C19orf47: variants seen among roughly 807,000 people sequenced by gnomAD.
The protein encoded by C19orf47 is chromosome 19 open reading frame 47, also known as uncharacterized protein C19orf47.
In C19orf47, 18 loss-of-function variants were observed where a neutral mutation model predicts 32.3. The observed-to-expected ratio is 0.56, with a 90% CI of 0.39 to 0.83. The LOEUF (loss-of-function observed/expected upper bound fraction) is 0.83, where lower values mean the gene tolerates loss of function less well. Among genes scored for constraint, C19orf47 ranks in the 40% least tolerant of loss-of-function variants. C19orf47 has a pLI of 0.00. For synonymous variants in C19orf47, 202 were observed against 211.1 expected, an observed-to-expected ratio of 0.96 and a Z score of 0.37; for missense variants, 484 against 531.6, an observed-to-expected ratio of 0.91 and a Z score of 0.88.
chr19:40,301,710 TG>T, the C19orf47 span, among the ~76,000 whole-genome samples: 1 of 151,300 alleles, frequency 6.6e-6, no homozygotes, highest in East Asian at 2.0e-4. Context: ...CTGGGCATGG[TG>T]GCCCACGCCT....
Position 40,344,420 on chromosome 19 carries a change from A to G in C19orf47, c.-33-2530T>C, listed in dbSNP as rs372210704. ...CTTGAACCCGGGAGGCAGAGGCTGC[A>G]GTGGGCCGAGATCACACCACTGCAC... On this transcript the variant is annotated intron_variant, in intron 1 of 8. Coordinates refer to ENST00000683109, the MANE Select transcript of C19orf47 (RefSeq NM_001256441.2). Among the ~76,000 whole-genome samples the G allele has an allele frequency of 2.2e-4, 33 of 151,470 alleles. No homozygotes were observed. The East Asian group carries it at 5.3e-3, about 24-fold the overall frequency.
At chr19:40,328,330 A>G in intron 6 of C19orf47, 83 bp downstream of exon 6, 11 of 1,564,552 alleles carry the variant, frequency 7.0e-6, no homozygotes, top group Non-Finnish European at 9.5e-6. Flanking sequence ...GCACCTTACA[A>G]TATTGGAAGC....
chr19:40,295,721 C>A, the C19orf47 span, among the ~76,000 whole-genome samples: 3 of 151,956 alleles, frequency 2.0e-5, no homozygotes, highest in African/African-American at 7.2e-5. Flanking sequence ...CATGCATGAG[C>A]CACCGTGCCT....
At chr19:40,346,089 G>A (rs1485380404) in intron 1 of C19orf47, among the ~76,000 whole-genome samples, 1 of 150,932 alleles carries the variant, frequency 6.6e-6, no homozygotes, top group African/African-American at 2.4e-5. Context: ...CCAGGAGGCA[G>A]AGGTTGCAGT....
At chr19:40,338,633 C>T (rs1030042375) in intron 2 of C19orf47, among the ~76,000 whole-genome samples, 4 of 152,086 alleles carry the variant, frequency 2.6e-5, no homozygotes, top group Non-Finnish European at 5.9e-5. Context: ...TCCACATGCC[C>T]TGGCCTCCCA....
At chr19:40,329,137 T>C (rs2077897108) in intron 5 of C19orf47, among the ~76,000 whole-genome samples, 1 of 152,030 alleles carries the variant, frequency 6.6e-6, no homozygotes, top group African/African-American at 2.4e-5. Context: ...TCTATTTGTT[T>C]ACTGGTAAAC....
At chr19:40,317,880 G>A (rs759128720), downstream of C19orf47, among the ~76,000 whole-genome samples, 5 of 151,856 alleles carry the variant, frequency 3.3e-5, no homozygotes, top group South Asian at 2.1e-4. Flanking sequence ...CCAACACACC[G>A]GCCAATTTTT....
chr19:40,322,714 G>A (rs190171677), intron 8 of C19orf47, among the ~76,000 whole-genome samples: 1 of 152,312 alleles, frequency 6.6e-6, no homozygotes, highest in East Asian at 1.9e-4. Flanking sequence ...GGAGTGGAGA[G>A]ATTAATCTGG....
chr19:40,324,034 G>A lies in C19orf47; in HGVS notation c.635C>T (p.Thr212Ile), dbSNP rs1234863709. Residue 212 changes from threonine (T) to isoleucine (I), a missense_variant, in exon 8 of 9, where the codon ACC becomes ATC. Physicochemically the swap from Thr to Ile is moderately conservative, Grantham distance 89 (BLOSUM62 -1). Around this residue, in one of 3 missense-constraint regions of C19orf47, gnomAD observed 376 missense variants for 370.2 expected, o/e 1.02. Transcript: ENST00000683109. ...ACTCCCTGTCGTGGTGTCTGCCTTG[G>A]TCTCGGCGCCGAGGCGGTCAAACAC... ...TSVFDRLGAE[T>I]KADTTTGSKP... is the part of the protein sequence containing the mutation. 1.2e-6 allele frequency: 2 copies of A among 1,614,118 alleles called. No individual in the cohort carries two copies. Among genetic ancestry groups the A allele is most frequent in the Admixed American group, 3.3e-5 (2 of 60,008 alleles).
At chr19:40,333,768 C>T (rs998836389) in intron 5 of C19orf47, 83 bp downstream of exon 5, 57 of 1,128,396 alleles carry the variant, frequency 5.1e-5, no homozygotes, top group Middle Eastern at 4.7e-4. Flanking sequence ...AAATTACAGG[C>T]GGGGATGGGA....
At position 40,321,895 on chromosome 19, in the gene C19orf47, C is replaced by T. The variant is rs147228641; in HGVS notation, c.1145G>A (p.Arg382His). 5 of 1,597,132 alleles carry T rather than the reference C, an allele frequency of 3.1e-6. No homozygotes were observed. The highest frequency in any genetic ancestry group is 2.7e-5 in the African/African-American group (2 of 74,524). Residue 382 changes from arginine (R) to histidine (H), a missense_variant, in exon 9 of 9, where the codon CGC (arginine) becomes CAC (histidine). Around this residue, in one of 3 missense-constraint regions of C19orf47, gnomAD observed 51 missense variants for 74.5 expected, o/e 0.68. Transcript: ENST00000683109. ...CCCACAGGTGGGCTAGAAGGTCCTG[C>T]GGCCCAGTCTTTTGAACACGCTCAC... ...GTVSVFKRLG[R>H]RTF
chr19:40,337,592 C>G (rs1568621844), intron 2 of C19orf47, among the ~76,000 whole-genome samples: 1 of 152,120 alleles, frequency 6.6e-6, no homozygotes, highest in Admixed American at 6.5e-5. Flanking sequence ...CTCAGTACAT[C>G]CAATAATCCA....
At chr19:40,330,543 T>C (rs1278370833) in intron 5 of C19orf47, among the ~76,000 whole-genome samples, 1 of 133,410 alleles carries the variant, frequency 7.5e-6, no homozygotes, top group Non-Finnish European at 1.6e-5. Context: ...CGGCCCTCTT[T>C]TTTTTTTTTT....
chr19:40,313,951 A>T, the C19orf47 span, among the ~76,000 whole-genome samples: 5 of 151,818 alleles, frequency 3.3e-5, no homozygotes, highest in African/African-American at 4.8e-5. Context: ...AAGGTATAGA[A>T]AAAAAGAAGG....
chr19:40,308,465 C>CTT, the C19orf47 span, among the ~76,000 whole-genome samples: 19 of 120,008 alleles, frequency 1.6e-4, no homozygotes, highest in East Asian at 2.6e-4. Flanking sequence ...AGAAAGTCAA[C>CTT]TTTTTTTTTT....
rs1213429106 is a variant in C19orf47 at position 40,324,050 on chromosome 19, G to A, written c.619C>T (p.Arg207Cys). The change falls in exon 8 of 9, where the codon CGC becomes TGC. Residue 207 changes from arginine (R) to cysteine (C), a missense_variant. Around this residue, in one of 3 missense-constraint regions of C19orf47, gnomAD observed 376 missense variants for 370.2 expected, o/e 1.02. Coordinates refer to ENST00000683109, the MANE Select transcript of C19orf47 (RefSeq NM_001256441.2). ...TCTGCCTTGGTCTCGGCGCCGAGGC[G>A]GTCAAACACAGACGTCCTATGGAGA... Reference protein sequence around the residue: ...KGLHRTSVFDRLGAETKADTT... With the variant: ...KGLHRTSVFDCLGAETKADTT... 1.2e-6 allele frequency: 2 copies of A among 1,614,104 alleles called. No homozygotes were observed. The highest frequency in any genetic ancestry group is 1.1e-5 in the South Asian group (1 of 91,094).
At chr19:40,298,329 A>G in the C19orf47 span, among the ~76,000 whole-genome samples, 7 of 151,726 alleles carry the variant, frequency 4.6e-5, no homozygotes, top group African/African-American at 7.2e-5. Context: ...AGAAAAAATA[A>G]TTGTGGTTTA....
chr19:40,317,184 T>C (rs2077667943), downstream of C19orf47, among the ~76,000 whole-genome samples: 1 of 152,022 alleles, frequency 6.6e-6, no homozygotes, highest in Non-Finnish European at 1.5e-5. Context: ...CGATCACAGC[T>C]CACTGCAGCT....
downstream of C19orf47, among the ~76,000 whole-genome samples, chr19:40,317,208 C>T (rs1351131065): frequency 6.6e-6 from 1 of 151,948 alleles, no homozygotes; most frequent in African/African-American, 2.4e-5. Flanking sequence ...ACCTCCTGGG[C>T]TCAAGGGATC....
Sources: gnomAD v4.1 joint callset for allele counts (sites outside exome capture counted in the v4.1 genomes callset) on GRCh38, gnomAD v4.1.1 for gene constraint, gnomAD v4.1.1 regional missense constraint, MANE v1.5 for transcripts, NCBI Gene and HGNC (gene_info 2026-07-23, HGNC 2026-07-21) for gene names.